Variants in MBD4 observed in about 807,000 individuals in gnomAD.
MBD4 encodes the protein methyl-CpG binding domain 4, DNA glycosylase, also known as methyl-CpG-binding domain protein 4.
A neutral mutation model predicts 60.2 loss-of-function variants in MBD4; 53 were observed. That is an observed-to-expected ratio of 0.88 (90% CI 0.71 to 1.11). MBD4 has a LOEUF of 1.11. Among genes scored for constraint, MBD4 ranks in the 50% least tolerant of loss-of-function variants. The pLI is 0.00. For synonymous variants in MBD4, 231 were observed against 229.8 expected (o/e 1.01, Z -0.05); for missense variants, 619 against 674.0 (o/e 0.92, Z 0.90).
chr3:129,436,482 G>A lies in MBD4; in HGVS notation c.1162C>T (p.Pro388Ser), dbSNP rs796773165. The change falls in exon 3 of 8, where the codon CCA becomes TCA. Residue 388 changes from proline to serine, a missense_variant. Pro to Ser is a moderately conservative substitution (Grantham distance 74). Coordinates refer to ENST00000429544, the MANE Select transcript of MBD4 (RefSeq NM_001276270.2). ...RGSEMDNNCS[P>S]TRKDFTEDTI... ...TCACCAGTGAAGTCTTTCCTGGTTG[G>A]TGAGCAGTTGTTGTCCATTTCAGAG... is the stretch of plus-strand genomic sequence containing the variant. 1.2e-6 allele frequency: 2 copies of A among 1,613,950 alleles called. No homozygotes were observed. Among genetic ancestry groups the A allele is most frequent in the Non-Finnish European group, 1.7e-6 (2 of 1,180,008 alleles).
chr3:129,432,684 T>C, intron 6 of MBD4, 78 bp from the exon 7 acceptor site: 1 of 1,331,306 alleles, frequency 7.5e-7, no homozygotes, highest in African/African-American at 1.4e-5. Flanking sequence ...TGGGGCAGGA[T>C]GGAGAGAACA....
rs1435701062 is a variant in MBD4 at position 129,437,203 on chromosome 3, A to G, written c.441T>C (p.Ser147=). The change falls in exon 3 of 8, where the codon TCT becomes TCC. Residue 147 remains serine, a synonymous_variant. Coordinates refer to ENST00000429544, the MANE Select transcript of MBD4 (RefSeq NM_001276270.2). ...TATATCTTGACTTGATACCCCTTTT[A>G]GAAAGTACAGTAAAATCAAAATCTT... ...KPEDFDFTVL[S]KRGIKSRYKD... is the part of the protein sequence containing the mutation. 2 of 1,613,722 alleles carry G rather than the reference A, an allele frequency of 1.2e-6. No individual in the cohort carries two copies. The highest frequency in any genetic ancestry group is 2.7e-5 in the African/African-American group (2 of 74,910).
chr3:129,435,420 A>G (rs1214535929), intron 3 of MBD4, among the ~76,000 whole-genome samples: 20 of 152,102 alleles, frequency 1.3e-4, no homozygotes, highest in Non-Finnish European at 1.5e-5. Context: ...TGAGAACTAG[A>G]CTCTTACCAC....
At position 129,434,112 on chromosome 3, in the gene MBD4, A is replaced by G. The variant is rs1473310016; in HGVS notation, c.1208T>C (p.Ile403Thr). 2.5e-6 allele frequency: 4 copies of G among 1,613,880 alleles called. No individual in the cohort carries two copies. The highest frequency in any genetic ancestry group is 2.5e-6 in the Non-Finnish European group (3 of 1,179,912). ...FTEDTIPRTQIERRKTSLYFS... is the reference protein window; with the variant it reads ...FTEDTIPRTQTERRKTSLYFS... ...ATACAGGCTTGTTTTCCTTCTTTCTATCTGTGTTCGTGGGATGGTATCTTC... is the reference window on the plus strand; with the variant it reads ...ATACAGGCTTGTTTTCCTTCTTTCTGTCTGTGTTCGTGGGATGGTATCTTC... The change falls in exon 4 of 8, where the codon ATA becomes ACA. Residue 403 changes from isoleucine (I) to threonine (T), a missense_variant. Ile to Thr is a moderately conservative substitution (Grantham distance 89). Transcript: ENST00000429544.
At chr3:129,434,968 A>G (rs2072430422) in intron 3 of MBD4, among the ~76,000 whole-genome samples, 2 of 152,216 alleles carry the variant, frequency 1.3e-5, no homozygotes, top group Non-Finnish European at 2.9e-5. Context: ...CGCAATTTGA[A>G]TATCAGTTAA....
rs777698771 is a variant in MBD4, at chr3:129,437,931, C to G, written c.124G>C (p.Glu42Gln). 1.1e-5 allele frequency: 17 copies of G among 1,610,054 alleles called. 1 individual carries two copies. In the South Asian group the frequency reaches 1.9e-4, roughly 18 times the overall value. The change falls in exon 2 of 8, where the codon GAA (glutamate) becomes CAA (glutamine). Residue 42 changes from glutamate (E) to glutamine (Q), a missense_variant. By Grantham distance (29) the Glu-to-Gln change is conservative. Transcript: ENST00000429544. The stretch of plus-strand genomic sequence containing the variant: ...TCATCTTCTCCCACTCTTTCCAATT[C>G]CATAGCAACATCTTCTTTGCTGGAA... ...NDLRKEDVAMELERVGEDEEQ... is the reference protein window; with the variant it reads ...NDLRKEDVAMQLERVGEDEEQ...
At chr3:129,433,778 C>T (rs541805659) in intron 5 of MBD4, 72 bp downstream of exon 5, 38 of 1,594,734 alleles carry the variant, frequency 2.4e-5, no homozygotes, top group Non-Finnish European at 3.3e-5. Context: ...ACTTTGAACC[C>T]AGGCCTCAAT....
Position 129,432,566 on chromosome 3 carries a change from A to G in MBD4, c.1584T>C (p.Leu528=). ...CGTTGCCATATTTACCAATCCCATG[A>G]AGCTCAATTGGATACTTCCACTGCT... The part of the protein sequence containing the change: ...LTKQWKYPIE[L]HGIGKYGNDS... The change falls in exon 7 of 8, where the codon CTT becomes CTC. Residue 528 remains leucine (L), a synonymous_variant. Transcript: ENST00000429544. 6.2e-7 allele frequency: 1 copy of G among 1,614,208 alleles called. No homozygotes were observed. The highest frequency in any genetic ancestry group is 2.2e-5 in the East Asian group (1 of 44,890).
At chr3:129,433,760 CA>C in intron 5 of MBD4, 89 bp downstream of exon 5, 1 of 1,536,238 alleles carries the variant, frequency 6.5e-7, no homozygotes, top group East Asian at 2.3e-5. Flanking sequence ...GTGACACACT[CA>C]AAATGGACTT....
Position 129,439,818 on chromosome 3 carries a change from G to T in MBD4, c.16C>A (p.Leu6Met), listed in dbSNP as rs747502364. 1 of 1,611,040 alleles carries T rather than the reference G, an allele frequency of 6.2e-7. No individual in the cohort carries two copies. The highest frequency in any genetic ancestry group is 1.3e-5 in the African/African-American group (1 of 75,032). MGTTGLESLSLGDRGA... is the reference protein window; with the variant it reads MGTTGMESLSLGDRGA... Reference sequence around the variant, plus strand: ...CGGTCCCCCAGACTCAGACTCTCCAGCCCAGTCGTGCCCATCGAGCAGGGT... The same window carrying T: ...CGGTCCCCCAGACTCAGACTCTCCATCCCAGTCGTGCCCATCGAGCAGGGT... Residue 6 changes from leucine to methionine, a missense_variant, in exon 1 of 8, where the codon CTG (leucine) becomes ATG (methionine). Coordinates refer to ENST00000429544, the MANE Select transcript of MBD4 (RefSeq NM_001276270.2).
rs761511435 is a variant in MBD4, at chr3:129,433,949, AT to A, written c.1293del (p.Lys431AsnfsTer54). ...LSPPRRKAFK[K>X]WTPPRSPFNL... Reference sequence around the variant, plus strand: ...TTAAAAGGTGACCGAGGAGGTGTCCATTTCTTAAAGGCTTTACGTCGTGGGG... The same window carrying A: ...TTAAAAGGTGACCGAGGAGGTGTCCATTCTTAAAGGCTTTACGTCGTGGGG... On this transcript the variant is annotated frameshift_variant, in exon 5 of 8. Coordinates refer to ENST00000429544, the MANE Select transcript of MBD4 (RefSeq NM_001276270.2). LOFTEE classifies it high-confidence loss of function. 4 of 1,614,196 alleles carry A rather than the reference AT, an allele frequency of 2.5e-6. No homozygotes were observed. In the South Asian group the frequency reaches 4.4e-5, roughly 18 times the overall value.
At chr3:129,438,386 G>A (rs899520903) in intron 1 of MBD4, among the ~76,000 whole-genome samples, 6 of 152,208 alleles carry the variant, frequency 3.9e-5, no homozygotes, top group Admixed American at 3.9e-4. Flanking sequence ...TTCTGGGAGA[G>A]AGTGTGTATC....
At position 129,438,781 on chromosome 3, in the gene MBD4, A is replaced by C. The variant is rs139968880; in HGVS notation, c.105-831T>G. On this transcript the variant is annotated intron_variant, in intron 1 of 7. Coordinates refer to ENST00000429544, the MANE Select transcript of MBD4 (RefSeq NM_001276270.2). ...AAAAAACCCAAAAAAACAAAAAAAA[A>C]CAAGCAACCGGGCGTGGTGGAGCAT... Among the ~76,000 whole-genome samples the C allele has an allele frequency of 6.4e-3, 967 of 152,000 alleles. 5 individuals are homozygous for C. Among genetic ancestry groups the C allele is most frequent in the Non-Finnish European group, 9.3e-3 (629 of 67,954 alleles).
chr3:129,439,559 C>A (rs933574550), intron 1 of MBD4, among the ~76,000 whole-genome samples, 171 bp downstream of exon 1: 6 of 152,298 alleles, frequency 3.9e-5, no homozygotes, highest in African/African-American at 1.4e-4. Context: ...CACCCCAGGG[C>A]TGATCGCACA....
In MBD4 at chr3:129,432,368, T is replaced by C. The variant is rs2072362338; in HGVS notation, c.1647+135A>G. ...ACCCCAAAACCCACATGCCACCCGC[T>C]TCCCCGCAGCCAGGAACACAATTGT... On this transcript the variant is annotated intron_variant, in intron 7 of 7. Transcript: ENST00000429544. 3.2e-6 allele frequency: 5 copies of C among 1,561,156 alleles called. No individual in the cohort carries two copies. In the East Asian group the frequency reaches 1.2e-4, roughly 37 times the overall value.
At chr3:129,434,185 G>A (rs1355872045) in intron 3 of MBD4, 49 bp from the exon 4 acceptor site, 1 of 1,400,394 alleles carries the variant, frequency 7.1e-7, no homozygotes, top group Admixed American at 1.7e-5. Context: ...TTAGCTTAAA[G>A]CAATATTGAG....
At chr3:129,432,011 G>A (rs984211840) in intron 7 of MBD4, among the ~76,000 whole-genome samples, 2 of 152,178 alleles carry the variant, frequency 1.3e-5, no homozygotes, top group Non-Finnish European at 2.9e-5. Flanking sequence ...AGCTGAGTGG[G>A]CAGCATACCA....
At chr3:129,436,221 G>A (rs944168573) in intron 3 of MBD4, among the ~76,000 whole-genome samples, 1 of 152,148 alleles carries the variant, frequency 6.6e-6, no homozygotes, top group African/African-American at 2.4e-5. Flanking sequence ...ACTCTCCTTT[G>A]CCATGGCATC....
At position 129,437,091 on chromosome 3, in the gene MBD4, T is replaced by G; in HGVS notation, c.553A>C (p.Lys185Gln). 1 of 1,614,052 alleles carries G rather than the reference T, an allele frequency of 6.2e-7. No homozygotes were observed. Among genetic ancestry groups the G allele is most frequent in the South Asian group, 1.1e-5 (1 of 91,060 alleles). ...CTTGGCGGCATAAACACATCCTTTTTGCACTTGCTTCGGGTCCTGAGGTTC... is the reference window on the plus strand; with the variant it reads ...CTTGGCGGCATAAACACATCCTTTTGGCACTTGCTTCGGGTCCTGAGGTTC... ...NWNLRTRSKC[K>Q]KDVFMPPSSS... is the part of the protein sequence containing the mutation. Residue 185 changes from lysine (K) to glutamine (Q), a missense_variant, in exon 3 of 8, where the codon AAA (lysine) becomes CAA (glutamine). Physicochemically the swap from Lys to Gln is moderately conservative, Grantham distance 53. Transcript: ENST00000429544.
Sources: allele counts gnomAD v4.1 joint callset (sites outside exome capture counted in the v4.1 genomes callset), GRCh38; gene constraint gnomAD v4.1.1; transcripts MANE v1.5; gene names NCBI Gene and HGNC (gene_info 2026-07-23, HGNC 2026-07-21).